Variants in CACNA2D3 observed in about 807,000 individuals in gnomAD.
CACNA2D3 encodes voltage-dependent calcium channel subunit alpha-2/delta-3.
Under a neutral mutation model 160.6 loss-of-function variants are expected in CACNA2D3, and 60 were observed. That is an observed-to-expected ratio of 0.37 (90% CI 0.30 to 0.46). CACNA2D3 has a LOEUF of 0.46. Among genes scored for constraint, CACNA2D3 ranks in the 20% least tolerant of loss-of-function variants. CACNA2D3 has a pLI of 1.00. For synonymous variants in CACNA2D3, 558 were observed against 492.9 expected (o/e 1.13, Z -1.75); for missense variants, 1,205 against 1,365.0 (o/e 0.88, Z 1.85).
At chr3:54,446,042 A>G (rs1311852393) in intron 4 of CACNA2D3, among the ~76,000 whole-genome samples, 1 of 152,234 alleles carries the variant, frequency 6.6e-6, no homozygotes, top group Non-Finnish European at 1.5e-5. Flanking sequence ...TGAGGAATCC[A>G]GGAGTAGGTT....
chr3:54,561,579 G>T (rs1702326106), intron 5 of CACNA2D3, among the ~76,000 whole-genome samples: 1 of 152,068 alleles, frequency 6.6e-6, no homozygotes, highest in Non-Finnish European at 1.5e-5. Context: ...TCTTTCTCTT[G>T]CCTGATTGCC....
intron 3 of CACNA2D3, among the ~76,000 whole-genome samples, chr3:54,374,986 C>T (rs1698985528): frequency 6.6e-6 from 1 of 152,198 alleles, no homozygotes; most frequent in South Asian, 2.1e-4. Flanking sequence ...TGCCAAGCCA[C>T]TCATGATTGC....
At chr3:54,289,495 T>C (rs531157647) in intron 2 of CACNA2D3, among the ~76,000 whole-genome samples, 63 of 151,550 alleles carry the variant, frequency 4.2e-4, no homozygotes, top group East Asian at 7.8e-4. Context: ...AGGTAATTTA[T>C]AGATTCAATG....
intron 9 of CACNA2D3, chr3:54,626,529 G>A (rs1699109095): frequency 1.9e-6 from 3 of 1,607,460 alleles, no homozygotes; most frequent in Admixed American, 1.7e-5. Flanking sequence ...ACCAGGTGGA[G>A]ATCAAGCCCG....
Position 54,146,355 on chromosome 3 carries a change from G to C in CACNA2D3, c.204+22761G>C, listed in dbSNP as rs185860312. Among the ~76,000 whole-genome samples, 257 of 152,354 alleles carry C rather than the reference G, an allele frequency of 1.7e-3. 1 individual carries two copies. The highest frequency in any genetic ancestry group is 5.8e-3 in the African/African-American group (243 of 41,590). The stretch of plus-strand genomic sequence containing the variant: ...CCGAGCACAGGGACTGATGCTGAGA[G>C]TGGCTTGGTACATCCACGGATAGTG... On this transcript the variant is annotated intron_variant, in intron 2 of 37. Transcript: ENST00000474759.
chr3:54,986,549 T>G (rs1702616630), intron 30 of CACNA2D3, among the ~76,000 whole-genome samples: 1 of 152,200 alleles, frequency 6.6e-6, no homozygotes, highest in Non-Finnish European at 1.5e-5. Flanking sequence ...GAAATGTTGT[T>G]TCCTTCTTCC....
chr3:54,892,360 C>T (rs1700089543), intron 25 of CACNA2D3, among the ~76,000 whole-genome samples: 1 of 152,012 alleles, frequency 6.6e-6, no homozygotes, highest in African/African-American at 2.4e-5. Context: ...ATTGGCTCAT[C>T]AGGGGTCCAA....
intron 4 of CACNA2D3, among the ~76,000 whole-genome samples, chr3:54,431,106 AG>A (rs925568368): frequency 6.6e-6 from 1 of 152,102 alleles, no homozygotes; most frequent in South Asian, 2.1e-4. Context: ...TGGGAGGCTG[AG>A]GTGGGTGGAT....
intron 27 of CACNA2D3, among the ~76,000 whole-genome samples, chr3:54,939,038 C>G (rs765968759): frequency 6.6e-6 from 1 of 152,192 alleles, no homozygotes; most frequent in Non-Finnish European, 1.5e-5. Context: ...GATGCTACCT[C>G]TCCATTTGGG....
chr3:54,650,324 C>T (rs977031748), intron 11 of CACNA2D3, among the ~76,000 whole-genome samples: 1 of 151,818 alleles, frequency 6.6e-6, no homozygotes, highest in Admixed American at 6.6e-5. Flanking sequence ...CTCAGCCTCC[C>T]GAGTAGCTAG....
intron 8 of CACNA2D3, among the ~76,000 whole-genome samples, chr3:54,575,005 T>C (rs916148699): frequency 6.6e-6 from 1 of 152,252 alleles, no homozygotes; most frequent in Admixed American, 6.5e-5. Flanking sequence ...GTATTAAAAG[T>C]ATGAGGATAG....
In CACNA2D3 at chr3:54,922,050, A is replaced by G. The variant is rs144743859; in HGVS notation, c.2449+22182A>G. Among the ~76,000 whole-genome samples the G allele has an allele frequency of 2.8e-3, 426 of 152,250 alleles. 1 individual carries two copies. The highest frequency in any genetic ancestry group is 9.7e-3 in the African/African-American group (405 of 41,554). On this transcript the variant is annotated intron_variant, in intron 27 of 37. Transcript: ENST00000474759. Reference sequence around the variant, plus strand: ...TATGTTGGGACATCCAGGTCTTATTACCCCAAATCAATTTCTGCCTTCCTC... The same window carrying G: ...TATGTTGGGACATCCAGGTCTTATTGCCCCAAATCAATTTCTGCCTTCCTC...
intron 11 of CACNA2D3, among the ~76,000 whole-genome samples, chr3:54,714,355 T>C (rs1479703412): frequency 6.6e-6 from 1 of 152,188 alleles, no homozygotes; most frequent in African/African-American, 2.4e-5. Context: ...ACCTCTGGGA[T>C]GGAGGGCGAG....
intron 11 of CACNA2D3, among the ~76,000 whole-genome samples, chr3:54,742,836 T>G (rs1467848032): frequency 2.6e-5 from 4 of 152,250 alleles, no homozygotes; most frequent in African/African-American, 9.6e-5. Context: ...ATGGGAGGCC[T>G]TGCCTAAGAC....
Position 54,940,197 on chromosome 3 carries a change from T to C in CACNA2D3, c.2450-28253T>C, listed in dbSNP as rs73067716. Among the ~76,000 whole-genome samples, 653 of 152,284 alleles carry C rather than the reference T, an allele frequency of 4.3e-3. 1 individual carries two copies. Among genetic ancestry groups the C allele is most frequent in the Non-Finnish European group, 7.2e-3 (489 of 68,026 alleles). Reference sequence around the variant, plus strand: ...TGCCTGGAGACAGATTAGCTAACTTTTGAGACATGTGCACAGTTTTAAAAG... The same window carrying C: ...TGCCTGGAGACAGATTAGCTAACTTCTGAGACATGTGCACAGTTTTAAAAG... On this transcript the variant is annotated intron_variant, in intron 27 of 37. Transcript: ENST00000474759.
intron 2 of CACNA2D3, among the ~76,000 whole-genome samples, chr3:54,157,284 C>G (rs1236056321): frequency 6.6e-6 from 1 of 152,220 alleles, no homozygotes; most frequent in African/African-American, 2.4e-5. Context: ...ATAACCTTCT[C>G]AAAGGCTCCA....
chr3:54,598,174 G>A (rs754079131), intron 9 of CACNA2D3, among the ~76,000 whole-genome samples: 1 of 150,868 alleles, frequency 6.6e-6, no homozygotes, highest in African/African-American at 2.4e-5. Flanking sequence ...CGGGCATGGC[G>A]ATGTGTGTCT....
At chr3:54,976,863 C>CCTT (rs1197992972) in intron 29 of CACNA2D3, among the ~76,000 whole-genome samples, 1 of 152,130 alleles carries the variant, frequency 6.6e-6, no homozygotes, top group Non-Finnish European at 1.5e-5. Context: ...TTCTGATCTC[C>CCTT]CTTCTACTGG....
chr3:54,969,895 G>A, intron 29 of CACNA2D3, 51 bp downstream of exon 29: 1 of 1,537,572 alleles, frequency 6.5e-7, no homozygotes, highest in Non-Finnish European at 9.0e-7. Context: ...GAAGGTGACA[G>A]ATGGTGCTTT....
Sources: allele counts gnomAD v4.1 joint callset (sites outside exome capture counted in the v4.1 genomes callset), GRCh38; gene constraint gnomAD v4.1.1; transcripts MANE v1.5; gene names NCBI Gene and HGNC (gene_info 2026-07-23, HGNC 2026-07-21).